The following ZNF777 variants were observed in gnomAD, a reference collection of about 807,000 sequenced individuals.
ZNF777 encodes zinc finger protein 777.
ZNF777 carries 7 observed loss-of-function variants against 72.1 expected under a neutral mutation model. That is an observed-to-expected ratio of 0.10 (90% CI 0.06 to 0.18). The LOEUF (loss-of-function observed/expected upper bound fraction) is 0.18. Among genes scored for constraint, ZNF777 ranks in the 10% least tolerant of loss-of-function variants. The probability of loss-of-function intolerance (pLI) is 1.00; values close to 1 mark genes in which losing one functional copy is unlikely to be tolerated. For synonymous variants in ZNF777, 545 were observed against 483.5 expected, an observed-to-expected ratio of 1.13 and a Z score of -1.67; for missense variants, 828 against 1,128.6, an observed-to-expected ratio of 0.73 and a Z score of 3.82.
rs754868624 is a variant in ZNF777 at position 149,455,405 on chromosome 7, T to C, written c.618A>G (p.Leu206=). 6 of 1,614,228 alleles carry C rather than the reference T, an allele frequency of 3.7e-6. No homozygotes were observed. Among genetic ancestry groups the C allele is most frequent in the East Asian group, 2.2e-5 (1 of 44,882 alleles). ...ERKLEAQAMR[L]LTLEGRTGTN... ...TCCCCGTCCTGCCTTCCAGGGTCAG[T>C]AGCCTCATGGCCTGGGCCTCCAGCT... Residue 206 remains leucine (L), a synonymous_variant, in exon 2 of 6, where the codon CTA becomes CTG. Coordinates refer to ENST00000247930, the MANE Select transcript of ZNF777 (RefSeq NM_015694.3). This position sits in a 1 kb window ranked among gnomAD's most constrained non-coding sequence, Gnocchi z 4.2.
chr7:149,458,748 T>A (rs1357789133), intron 1 of ZNF777, among the ~76,000 whole-genome samples: 7 of 152,188 alleles, frequency 4.6e-5, no homozygotes, highest in African/African-American at 1.7e-4. Flanking sequence ...ATTTAATCCA[T>A]CCCGGTAAAC....
intron 3 of ZNF777, among the ~76,000 whole-genome samples, 184 bp from the exon 4 acceptor site, chr7:149,451,296 T>A (rs531989681): frequency 6.6e-6 from 1 of 151,964 alleles, no homozygotes. Context: ...TGGGTGTGTG[T>A]GTGTGGCGGG....
intron 3 of ZNF777, among the ~76,000 whole-genome samples, chr7:149,451,972 G>A (rs1407183913): frequency 6.6e-6 from 1 of 152,096 alleles, no homozygotes; most frequent in African/African-American, 2.4e-5. Context: ...TATATAAAAA[G>A]ATGCACAAGT....
At chr7:149,450,404 G>T (rs1799691726) in intron 4 of ZNF777, among the ~76,000 whole-genome samples, 2 of 152,188 alleles carry the variant, frequency 1.3e-5, no homozygotes, top group South Asian at 4.1e-4. Context: ...TATAGATGAG[G>T]AAACTGAGAC....
Position 149,436,726 on chromosome 7 carries a change from G to A in ZNF777, c.1188C>T (p.His396=), listed in dbSNP as rs185383443. 72 of 1,614,176 alleles carry A rather than the reference G, an allele frequency of 4.5e-5. No homozygotes were observed. The East Asian group carries it at 6.7e-4, about 15-fold the overall frequency. ...PEPLMGQVEE[H]GFQDSELGDP... is the part of the protein sequence containing the mutation. ...CACCCAGCTCTGAGTCCTGGAAGCC[G>A]TGCTCTTCCACCTGTCCCATCAGGG... The change falls in exon 5 of 6, where the codon CAC becomes CAT. Residue 396 remains histidine (H), a synonymous_variant. Coordinates refer to ENST00000247930, the MANE Select transcript of ZNF777 (RefSeq NM_015694.3). The surrounding 1 kb of genome is among the most constrained non-coding windows in gnomAD (Gnocchi z 5.0).
chr7:149,455,976 T>C lies in ZNF777; in HGVS notation c.47A>G (p.Gln16Arg). 6.2e-7 allele frequency: 1 copy of C among 1,609,574 alleles called. No homozygotes were observed. The highest frequency in any genetic ancestry group is 8.5e-7 in the Non-Finnish European group (1 of 1,177,740). ...SSPLSFPSVP[Q>R]EETLRQAPAG... The stretch of plus-strand genomic sequence containing the variant: ...AGGGGCCTGACGTAAGGTTTCTTCT[T>C]GTGGAACACTGGGGAACGACAGAGG... Residue 16 changes from glutamine to arginine, a missense_variant, in exon 2 of 6, where the codon CAA becomes CGA. Transcript: ENST00000247930. The surrounding 1 kb of genome is among the most constrained non-coding windows in gnomAD (Gnocchi z 4.2).
intron 4 of ZNF777, among the ~76,000 whole-genome samples, chr7:149,448,810 C>T (rs914883998): frequency 9.2e-5 from 14 of 151,612 alleles, no homozygotes; most frequent in Admixed American, 8.5e-4. Context: ...CTTTCAAGGC[C>T]GTGAATGAAT....
At chr7:149,440,687 T>G (rs887661802) in intron 4 of ZNF777, among the ~76,000 whole-genome samples, 5 of 149,620 alleles carry the variant, frequency 3.3e-5, no homozygotes, top group African/African-American at 1.2e-4. Flanking sequence ...TTTTTTTTTT[T>G]TTTTTAAATA....
chr7:149,434,490 A>C (rs539624997), intron 5 of ZNF777, among the ~76,000 whole-genome samples: 6 of 152,230 alleles, frequency 3.9e-5, no homozygotes, highest in Non-Finnish European at 8.8e-5. Flanking sequence ...GTTTATCCTG[A>C]AAATACTGAG....
intron 1 of ZNF777, chr7:149,459,900 A>G (rs1336734534): frequency 2.0e-5 from 19 of 970,570 alleles, no homozygotes; most frequent in Non-Finnish European, 2.3e-5. Context: ...GCCGGGCGTG[A>G]GAGCAGCCTC....
rs1373169839 is a variant in ZNF777 at position 149,432,945 on chromosome 7, C to G, written c.1340-13G>C. ...ATCACGATCCCCTCTGCTCCAGGGACAGAGAGAGAAAGTCGTTAGCTGCTG... is the reference window on the plus strand; with the variant it reads ...ATCACGATCCCCTCTGCTCCAGGGAGAGAGAGAGAAAGTCGTTAGCTGCTG... On this transcript the variant is annotated splice_polypyrimidine_tract_variant and intron_variant, in intron 5 of 5. Coordinates refer to ENST00000247930, the MANE Select transcript of ZNF777 (RefSeq NM_015694.3). The G allele has an allele frequency of 7.5e-6, 11 of 1,457,156 alleles. No individual in the cohort carries two copies. In the East Asian group the frequency reaches 1.5e-4, roughly 20 times the overall value. The allele number at this position is 1,457,156 out of a possible 1,614,324, so 90.3% of individuals were successfully genotyped here. A position where few individuals can be genotyped will look rare whatever the true frequency, so the allele number is the denominator to read the frequency against.
intron 4 of ZNF777, among the ~76,000 whole-genome samples, chr7:149,450,181 T>C (rs1799687774): frequency 6.6e-6 from 1 of 152,160 alleles, no homozygotes; most frequent in Non-Finnish European, 1.5e-5. Flanking sequence ...AGATAAGTGA[T>C]GCAAGTCCAA....
intron 3 of ZNF777, among the ~76,000 whole-genome samples, chr7:149,453,797 A>C (rs550337026): frequency 6.6e-6 from 1 of 152,188 alleles, no homozygotes; most frequent in African/African-American, 2.4e-5. Context: ...GGACAAACTA[A>C]TTTATTTAAA....
intron 4 of ZNF777, among the ~76,000 whole-genome samples, chr7:149,442,127 GA>G (rs1399193070): frequency 1.3e-5 from 2 of 149,942 alleles, no homozygotes; most frequent in Non-Finnish European, 3.0e-5. Context: ...TAAGGCAGGA[GA>G]ATCGCTTGAA....
At chr7:149,440,757 T>A (rs1799501325) in intron 4 of ZNF777, among the ~76,000 whole-genome samples, 1 of 150,886 alleles carries the variant, frequency 6.6e-6, no homozygotes, top group South Asian at 2.1e-4. Flanking sequence ...TGCTTTTGGC[T>A]GATCAGTTGG....
At chr7:149,447,258 T>C (rs1172878321) in intron 4 of ZNF777, among the ~76,000 whole-genome samples, 1 of 152,192 alleles carries the variant, frequency 6.6e-6, no homozygotes, top group Admixed American at 6.5e-5. Flanking sequence ...CTGAGCAACC[T>C]AATCTAACTC....
At chr7:149,459,986 G>A (rs187284272) in intron 1 of ZNF777, 3 of 925,724 alleles carry the variant, frequency 3.2e-6, no homozygotes, top group Non-Finnish European at 3.9e-6. Context: ...CCTCCAGGGC[G>A]CCCCCACCCC....
At chr7:149,458,236 C>G (rs939890843) in intron 1 of ZNF777, among the ~76,000 whole-genome samples, 19 of 152,184 alleles carry the variant, frequency 1.2e-4, no homozygotes, top group African/African-American at 4.6e-4. Context: ...TCAAGGAGCT[C>G]ACAGACCCCT....
rs1046853506 is a variant in ZNF777, at chr7:149,436,073, C to G, written c.1339+502G>C. ...TTACTGTTCTTGAACTCAGAAGGAG[C>G]AAGAGTGAGCAGCATGGTGATAAAG... On this transcript the variant is annotated intron_variant, in intron 5 of 5. Coordinates refer to ENST00000247930, the MANE Select transcript of ZNF777 (RefSeq NM_015694.3). The surrounding 1 kb of genome is among the most constrained non-coding windows in gnomAD (Gnocchi z 5.0). Among the ~76,000 whole-genome samples the G allele has an allele frequency of 2.0e-5, 3 of 152,124 alleles. No individual in the cohort carries two copies. Among genetic ancestry groups the G allele is most frequent in the African/African-American group, 7.2e-5 (3 of 41,422 alleles).
Sources: gnomAD v4.1 joint callset for allele counts (sites outside exome capture counted in the v4.1 genomes callset) on GRCh38, gnomAD v4.1.1 for gene constraint, Gnocchi (gnomAD v3.1) non-coding constraint, MANE v1.5 for transcripts, NCBI Gene and HGNC (gene_info 2026-07-23, HGNC 2026-07-21) for gene names.